AGBL4: variants seen among roughly 807,000 people sequenced by gnomAD.
AGBL4 encodes AGBL carboxypeptidase 4.
Under a neutral mutation model 66.4 loss-of-function variants are expected in AGBL4, and 58 were observed. The ratio of observed to expected loss-of-function variants is 0.87; its 90% CI spans 0.71 to 1.09. The LOEUF is 1.09. Among genes scored for constraint, AGBL4 ranks in the 50% least tolerant of loss-of-function variants. AGBL4 has a pLI of 0.00. For missense variants in AGBL4, 579 were observed against 631.0 expected (o/e 0.92, Z 0.88); for synonymous variants, 234 against 222.9 (o/e 1.05, Z -0.44).
At chr1:49,581,935 GT>G (rs1433552027) in intron 3 of AGBL4, among the ~76,000 whole-genome samples, 8 of 152,148 alleles carry the variant, frequency 5.3e-5, no homozygotes, top group African/African-American at 1.9e-4. Context: ...GTGGTGAAGT[GT>G]TCTCCCAGGT....
At chr1:49,482,063 CA>C (rs377329210) in intron 3 of AGBL4, among the ~76,000 whole-genome samples, 1 of 151,344 alleles carries the variant, frequency 6.6e-6, no homozygotes, top group African/African-American at 2.4e-5. Context: ...TTATATTCAT[CA>C]AGGAAATTGG....
In AGBL4 at chr1:48,727,687, C is replaced by T. The variant is rs183743183; in HGVS notation, c.635-64446G>A. On this transcript the variant is annotated intron_variant, in intron 6 of 13. Coordinates refer to ENST00000371839, the MANE Select transcript of AGBL4 (RefSeq NM_032785.4). ...CCCATTCCCAGAAGGACACCAGTGC[C>T]AGGCTGCTCCTGAGTCTCAGCAAAG... The T allele has an allele frequency of 6.9e-5, 27 of 393,468 alleles. 1 individual carries two copies. The allele number at this position is 393,468 out of a possible 1,614,324, so 24.4% of individuals were successfully genotyped here. A position where few individuals can be genotyped will look rare whatever the true frequency, so the allele number is the denominator to read the frequency against.
At chr1:49,337,028 A>G (rs1645451523) in intron 3 of AGBL4, among the ~76,000 whole-genome samples, 1 of 152,198 alleles carries the variant, frequency 6.6e-6, no homozygotes, top group African/African-American at 2.4e-5. Flanking sequence ...TATCTATCCC[A>G]TTAGCTTTTT....
chr1:49,448,054 A>G (rs1383813141), intron 3 of AGBL4, among the ~76,000 whole-genome samples: 3 of 152,174 alleles, frequency 2.0e-5, no homozygotes, highest in African/African-American at 2.4e-5. Flanking sequence ...ATTTTCTCAT[A>G]GCAGCCTGAA....
intron 5 of AGBL4, among the ~76,000 whole-genome samples, chr1:48,929,431 C>G (rs1033646245): frequency 1.3e-5 from 2 of 152,136 alleles, no homozygotes; most frequent in African/African-American, 4.8e-5. Context: ...TCCTTCCTGC[C>G]CCCCTTTTAA....
At chr1:49,767,075 T>C (rs892278094) in intron 2 of AGBL4, among the ~76,000 whole-genome samples, 6 of 152,084 alleles carry the variant, frequency 3.9e-5, no homozygotes, top group Admixed American at 3.9e-4. Context: ...AAAGACATTC[T>C]GCACATAAAT....
At chr1:48,649,337 G>A (rs1008975812) in intron 8 of AGBL4, among the ~76,000 whole-genome samples, 18 of 152,164 alleles carry the variant, frequency 1.2e-4, no homozygotes, top group African/African-American at 2.9e-4. Flanking sequence ...TGAAGAGAAG[G>A]CAAATGTAAC....
chr1:49,565,506 C>CA (rs1215430496), intron 3 of AGBL4, among the ~76,000 whole-genome samples: 3 of 152,134 alleles, frequency 2.0e-5, no homozygotes, highest in Non-Finnish European at 4.4e-5. Flanking sequence ...CTGGTGGTGA[C>CA]AAAATCTCTC....
At chr1:49,343,645 A>C (rs976991411) in intron 3 of AGBL4, among the ~76,000 whole-genome samples, 2 of 152,212 alleles carry the variant, frequency 1.3e-5, no homozygotes, top group African/African-American at 4.8e-5. Flanking sequence ...TCTGGTCCCC[A>C]TAGCATTCCC....
At chr1:48,938,368 GA>G (rs1165486685) in intron 5 of AGBL4, among the ~76,000 whole-genome samples, 1 of 152,146 alleles carries the variant, frequency 6.6e-6, no homozygotes, top group Non-Finnish European at 1.5e-5. Context: ...GAAAGAGACA[GA>G]GATTAAATAA....
intron 3 of AGBL4, among the ~76,000 whole-genome samples, chr1:49,341,943 G>A (rs913068009): frequency 6.6e-6 from 1 of 151,780 alleles, no homozygotes; most frequent in African/African-American, 2.4e-5. Flanking sequence ...TACTTGTTTG[G>A]GTCACCTGAA....
intron 5 of AGBL4, among the ~76,000 whole-genome samples, chr1:49,028,083 C>T (rs1663877004): frequency 6.6e-6 from 1 of 152,056 alleles, no homozygotes; most frequent in South Asian, 2.1e-4. Context: ...GAAATTTATG[C>T]CAAAGGGTAA....
intron 5 of AGBL4, among the ~76,000 whole-genome samples, chr1:48,955,705 C>G (rs988616161): frequency 6.6e-6 from 1 of 152,114 alleles, no homozygotes; most frequent in African/African-American, 2.4e-5. Flanking sequence ...GTTTGTTTAC[C>G]TTGGTATAAT....
At position 49,150,383 on chromosome 1, in the gene AGBL4, C is replaced by T. The variant is rs1350555793; in HGVS notation, c.377+95387G>A. ...TACACATTCTCACAATATAATATTACAAGTGAGCGGCAGAATTTTATATAT... is the reference window on the plus strand; with the variant it reads ...TACACATTCTCACAATATAATATTATAAGTGAGCGGCAGAATTTTATATAT... On this transcript the variant is annotated intron_variant, in intron 4 of 13. Transcript: ENST00000371839. 2.0e-5 allele frequency among the ~76,000 whole-genome samples: 3 copies of T among 152,070 alleles called. No individual in the cohort carries two copies. In the East Asian group the frequency reaches 5.8e-4, roughly 29 times the overall value.
intron 3 of AGBL4, among the ~76,000 whole-genome samples, chr1:49,649,231 T>G (rs536328473): frequency 6.6e-6 from 1 of 152,128 alleles, no homozygotes; most frequent in Admixed American, 6.6e-5. Context: ...TAAACCAACT[T>G]TAAATATAAA....
chr1:49,158,305 C>G (rs890446497), intron 4 of AGBL4, among the ~76,000 whole-genome samples: 9 of 152,040 alleles, frequency 5.9e-5, no homozygotes, highest in Non-Finnish European at 1.3e-4. Flanking sequence ...AAAGCAATGG[C>G]AACAAAAGCC....
chr1:49,833,868 G>T (rs1382352006), intron 2 of AGBL4, among the ~76,000 whole-genome samples: 3 of 152,070 alleles, frequency 2.0e-5, no homozygotes, highest in African/African-American at 7.2e-5. Context: ...TGCTGAAGTT[G>T]CTTATCAGCT....
intron 2 of AGBL4, among the ~76,000 whole-genome samples, chr1:49,838,051 G>A (rs1352967413): frequency 1.3e-5 from 2 of 152,172 alleles, no homozygotes; most frequent in Non-Finnish European, 2.9e-5. Flanking sequence ...CTCGTGCCAG[G>A]TAGTTCAATA....
intron 2 of AGBL4, among the ~76,000 whole-genome samples, chr1:49,752,727 C>T (rs1282132395): frequency 6.6e-6 from 1 of 152,184 alleles, no homozygotes; most frequent in Non-Finnish European, 1.5e-5. Flanking sequence ...TCTCAAAAAA[C>T]TTGCTTTAAG....
Sources: gnomAD v4.1 joint callset for allele counts (sites outside exome capture counted in the v4.1 genomes callset) on GRCh38, gnomAD v4.1.1 for gene constraint, MANE v1.5 for transcripts, NCBI Gene and HGNC (gene_info 2026-07-23, HGNC 2026-07-21) for gene names.